The following RYR2 variants were observed in gnomAD, a reference collection of about 807,000 sequenced individuals.
RYR2 encodes the protein ryanodine receptor 2.
RYR2 carries 227 observed loss-of-function variants against 601.1 expected under a neutral mutation model. That is an observed-to-expected ratio of 0.38 (90% CI 0.34 to 0.42). The LOEUF is 0.42. Ranked by LOEUF, RYR2 falls within the 10% of genes least tolerant of loss-of-function variation. The pLI is 1.00. For synonymous variants in RYR2, 2,223 were observed against 2,175.1 expected (o/e 1.02, Z -0.61); for missense variants, 4,646 against 6,156.5 (o/e 0.75, Z 8.21).
At chr1:237,594,951 GTC>G (rs1167144873) in intron 33 of RYR2, among the ~76,000 whole-genome samples, 7 of 78,646 alleles carry the variant, frequency 8.9e-5, no homozygotes, top group Non-Finnish European at 2.2e-5. Flanking sequence ...AGTTAAATCT[GTC>G]TCTCAGATCA....
At chr1:237,707,340 C>A in intron 68 of RYR2, 71 bp downstream of exon 68, 1 of 758,166 alleles carries the variant, frequency 1.3e-6, no homozygotes, top group Non-Finnish European at 1.9e-6. Flanking sequence ...AATACATAAA[C>A]TAGAATTTTC....
Position 237,783,740 on chromosome 1 carries a change from G to A in RYR2, c.12028G>A (p.Val4010Met), listed in dbSNP as rs1388798410. 2 of 1,612,496 alleles carry A rather than the reference G, an allele frequency of 1.2e-6. No homozygotes were observed. The highest frequency in any genetic ancestry group is 8.5e-7 in the Non-Finnish European group (1 of 1,179,234). Residue 4010 changes from valine (V) to methionine (M), a missense_variant, in exon 90 of 105, where the codon GTG becomes ATG. By Grantham distance (21) the Val-to-Met change is conservative (BLOSUM62 1). Coordinates refer to ENST00000366574, the MANE Select transcript of RYR2 (RefSeq NM_001035.3). ...VDMLVESSNN[V>M]EMILKFFDMF... Reference sequence around the variant, plus strand: ...TATGCTTGTGGAATCTTCCAACAACGTGGAGATGATTCTCAAATTTTTTGA... The same window carrying A: ...TATGCTTGTGGAATCTTCCAACAACATGGAGATGATTCTCAAATTTTTTGA...
intron 10 of RYR2, among the ~76,000 whole-genome samples, chr1:237,403,272 G>A (rs578184872): frequency 8.5e-5 from 13 of 152,092 alleles, no homozygotes; most frequent in East Asian, 3.9e-4. Context: ...AATGAAACTC[G>A]AAAAGCAAAA....
intron 10 of RYR2, among the ~76,000 whole-genome samples, chr1:237,401,413 G>C (rs956676134): frequency 6.7e-6 from 1 of 150,242 alleles, no homozygotes; most frequent in Non-Finnish European, 1.5e-5. Context: ...ACATTTAGAG[G>C]TTCCCATAAT....
chr1:237,565,912 A>G (rs1394030770), intron 27 of RYR2, among the ~76,000 whole-genome samples: 1 of 152,054 alleles, frequency 6.6e-6, no homozygotes, highest in Non-Finnish European at 1.5e-5. Context: ...ACTGGTCCTA[A>G]TGTTGGATGC....
intron 42 of RYR2, among the ~76,000 whole-genome samples, chr1:237,632,285 C>T (rs1680413742): frequency 6.6e-6 from 1 of 152,122 alleles, no homozygotes; most frequent in Non-Finnish European, 1.5e-5. Context: ...CTCCACCATC[C>T]TCCATGACAC....
At chr1:237,699,694 T>C (rs1484087808) in intron 64 of RYR2, among the ~76,000 whole-genome samples, 1 of 152,230 alleles carries the variant, frequency 6.6e-6, no homozygotes, top group Non-Finnish European at 1.5e-5. Context: ...GTATGATAAA[T>C]GCAGAAAGGA....
Position 237,569,317 on chromosome 1 carries a change from A to G in RYR2, c.3596A>G (p.Asp1199Gly), listed in dbSNP as rs149760466. The G allele has an allele frequency of 1.9e-5, 30 of 1,613,408 alleles. No homozygotes were observed. The highest frequency in any genetic ancestry group is 2.5e-5 in the Non-Finnish European group (29 of 1,179,652). ...ELAFKDFDVG[D>G]GFIPVCSLGV... ...GCTTTCAAGGACTTTGATGTTGGCG[A>G]TGGTAAGTCTACTATGTTTTGTGTT... The change falls in exon 29 of 105, where the codon GAT (aspartate) becomes GGT (glycine). Residue 1199 changes from aspartate (D) to glycine (G), a missense_variant and splice_region_variant. Asp to Gly is a moderately conservative substitution (Grantham distance 94). Transcript: ENST00000366574.
intron 29 of RYR2, among the ~76,000 whole-genome samples, chr1:237,572,384 AG>A (rs1333045997): frequency 6.6e-6 from 1 of 152,234 alleles, no homozygotes; most frequent in Non-Finnish European, 1.5e-5. Flanking sequence ...TGATACACAC[AG>A]ATTTGCAGAA....
At chr1:237,324,510 A>G (rs1250212864) in intron 2 of RYR2, among the ~76,000 whole-genome samples, 2 of 152,202 alleles carry the variant, frequency 1.3e-5, no homozygotes, top group Non-Finnish European at 2.9e-5. Flanking sequence ...GTGGAAGAAC[A>G]GCTTTTCTCT....
At chr1:237,771,834 T>C (rs1281989676) in intron 85 of RYR2, among the ~76,000 whole-genome samples, 178 bp from the exon 86 acceptor site, 2 of 152,162 alleles carry the variant, frequency 1.3e-5, no homozygotes, top group African/African-American at 2.4e-5. Context: ...AGATACACTT[T>C]TGGGGTGATC....
intron 1 of RYR2, among the ~76,000 whole-genome samples, chr1:237,063,303 G>T (rs970570715): frequency 2.0e-5 from 3 of 152,062 alleles, no homozygotes; most frequent in African/African-American, 4.8e-5. Context: ...GTGGGACTTT[G>T]TTGTAGCAGT....
At chr1:237,570,400 G>A (rs948727788) in intron 29 of RYR2, among the ~76,000 whole-genome samples, 13 of 149,650 alleles carry the variant, frequency 8.7e-5, no homozygotes, top group African/African-American at 1.7e-4. Flanking sequence ...GTTCAGTGGC[G>A]CAATCTCAGC....
intron 29 of RYR2, among the ~76,000 whole-genome samples, chr1:237,572,870 A>C (rs961683470): frequency 6.6e-6 from 1 of 152,064 alleles, no homozygotes; most frequent in South Asian, 2.1e-4. Context: ...TCCTCTCCCA[A>C]ATTGACTTTA....
intron 13 of RYR2, among the ~76,000 whole-genome samples, chr1:237,443,800 G>A (rs1477005307): frequency 1.3e-5 from 2 of 152,244 alleles, no homozygotes; most frequent in East Asian, 3.9e-4. Context: ...TACGGAAACA[G>A]GTGATGTGCT....
chr1:237,422,899 CT>C (rs1182402737), intron 11 of RYR2, among the ~76,000 whole-genome samples, 192 bp from the exon 12 acceptor site: 2 of 152,144 alleles, frequency 1.3e-5, no homozygotes, highest in Non-Finnish European at 2.9e-5. Context: ...AGCTTTGCGA[CT>C]TTGTGTATTA....
chr1:237,530,809 C>G (rs1252819977), intron 25 of RYR2, among the ~76,000 whole-genome samples: 2 of 151,906 alleles, frequency 1.3e-5, no homozygotes, highest in African/African-American at 4.8e-5. Context: ...ACTCGGGAGG[C>G]TGAGACAGGA....
chr1:237,585,646 A>G (rs1282830954), intron 29 of RYR2, among the ~76,000 whole-genome samples: 2 of 152,190 alleles, frequency 1.3e-5, no homozygotes. Flanking sequence ...GTTTTGTTAT[A>G]ATAGATTATT....
chr1:237,695,645 A>C (rs1279878038), intron 63 of RYR2, among the ~76,000 whole-genome samples: 1 of 152,204 alleles, frequency 6.6e-6, no homozygotes, highest in Non-Finnish European at 1.5e-5. Context: ...GGATAGCTTT[A>C]AGAAGGACAA....
Sources: allele counts gnomAD v4.1 joint callset (sites outside exome capture counted in the v4.1 genomes callset), GRCh38; gene constraint gnomAD v4.1.1; transcripts MANE v1.5; gene names NCBI Gene and HGNC (gene_info 2026-07-23, HGNC 2026-07-21).